Variants in DCC observed in about 807,000 individuals in gnomAD.
DCC encodes DCC netrin 1 receptor.
In DCC, 58 loss-of-function variants were observed where a neutral mutation model predicts 172.5. The ratio of observed to expected loss-of-function variants is 0.34; its 90% CI spans 0.27 to 0.42. The LOEUF (loss-of-function observed/expected upper bound fraction) is 0.42. Ranked by LOEUF, DCC falls within the 10% of genes least tolerant of loss-of-function variation. DCC has a pLI of 1.00. For missense variants in DCC, 1,740 were observed against 1,791.0 expected (o/e 0.97, Z 0.51); for synonymous variants, 709 against 644.5 (o/e 1.10, Z -1.52).
At chr18:52,705,999 G>T (rs2036203755) in intron 1 of DCC, among the ~76,000 whole-genome samples, 1 of 152,112 alleles carries the variant, frequency 6.6e-6, no homozygotes, top group Admixed American at 6.6e-5. Context: ...GGATAGAGAG[G>T]ATGCCCCATT....
intron 8 of DCC, among the ~76,000 whole-genome samples, chr18:53,161,598 A>T (rs2054840593): frequency 6.6e-6 from 1 of 152,122 alleles, no homozygotes. Flanking sequence ...TTGATTTCTC[A>T]ACATCAATAT....
At chr18:53,354,241 A>G (rs1237008505) in intron 15 of DCC, among the ~76,000 whole-genome samples, 1 of 152,188 alleles carries the variant, frequency 6.6e-6, no homozygotes, top group Non-Finnish European at 1.5e-5. Context: ...ATGTGTCTTT[A>G]TAGCAGCATG....
At chr18:52,684,024 C>T (rs2035790265) in intron 1 of DCC, among the ~76,000 whole-genome samples, 1 of 152,116 alleles carries the variant, frequency 6.6e-6, no homozygotes, top group Non-Finnish European at 1.5e-5. Context: ...TATTTTGCTT[C>T]TAACAGGAGT....
intron 5 of DCC, among the ~76,000 whole-genome samples, chr18:52,954,599 G>A (rs1471423610): frequency 6.6e-6 from 1 of 152,100 alleles, no homozygotes; most frequent in Admixed American, 6.5e-5. Flanking sequence ...GTTCTGCAAG[G>A]ATCTTGGAAT....
intron 26 of DCC, among the ~76,000 whole-genome samples, chr18:53,490,914 C>CATTT (rs1357288244): frequency 6.6e-6 from 1 of 152,158 alleles, no homozygotes; most frequent in Non-Finnish European, 1.5e-5. Context: ...TCATTGTATT[C>CATTT]ATTTTGAACA....
chr18:52,973,542 C>T (rs555903642), intron 5 of DCC, among the ~76,000 whole-genome samples: 1 of 152,284 alleles, frequency 6.6e-6, no homozygotes, highest in Non-Finnish European at 1.5e-5. Flanking sequence ...AGAGCTCCAA[C>T]TCTCTGCCTC....
chr18:53,426,719 C>T (rs754555131), intron 21 of DCC, among the ~76,000 whole-genome samples: 5 of 151,994 alleles, frequency 3.3e-5, no homozygotes, highest in Non-Finnish European at 5.9e-5. Context: ...GTCTCACTGA[C>T]TTACAAACTT....
chr18:52,931,575 C>T (rs2040307177), intron 5 of DCC, among the ~76,000 whole-genome samples: 1 of 152,056 alleles, frequency 6.6e-6, no homozygotes. Flanking sequence ...AGTAATTTTA[C>T]AGAGTGAATA....
chr18:53,056,085 T>A (rs2042399915), intron 5 of DCC, among the ~76,000 whole-genome samples: 1 of 152,128 alleles, frequency 6.6e-6, no homozygotes, highest in Admixed American at 6.6e-5. Context: ...CTCACACTGC[T>A]ATAAAGGTAC....
intron 2 of DCC, among the ~76,000 whole-genome samples, chr18:52,896,879 TG>T (rs902331150): frequency 4.2e-5 from 2 of 47,440 alleles, no homozygotes; most frequent in Admixed American, 3.6e-4. Context: ...CTGGATTTAC[TG>T]GGTTGATTCT....
chr18:53,175,357 T>C (rs993796283), intron 8 of DCC, among the ~76,000 whole-genome samples: 13 of 152,114 alleles, frequency 8.5e-5, no homozygotes, highest in African/African-American at 2.9e-4. Context: ...AAATAAAAGG[T>C]ATTCAGTTAG....
chr18:53,244,579 A>G lies in DCC; in HGVS notation c.1911+28982A>G, dbSNP rs116727450. Among the ~76,000 whole-genome samples the G allele has an allele frequency of 7.0e-3, 1,059 of 152,270 alleles. 10 individuals carry two copies. Among genetic ancestry groups the G allele is most frequent in the African/African-American group, 0.024 (991 of 41,580 alleles). ...TTGACTGAAGAATACAAGATGACTT[A>G]CTTGCATTGTTGGCAGCTGATGTTG... On this transcript the variant is annotated intron_variant, in intron 12 of 28. Transcript: ENST00000442544.
At chr18:52,692,684 G>C (rs909483928) in intron 1 of DCC, among the ~76,000 whole-genome samples, 1 of 151,994 alleles carries the variant, frequency 6.6e-6, no homozygotes, top group Non-Finnish European at 1.5e-5. Context: ...CTCCTGCCTT[G>C]GTCTCCCAAA....
chr18:52,405,201 T>C (rs1432690235), intron 1 of DCC, among the ~76,000 whole-genome samples: 2 of 150,362 alleles, frequency 1.3e-5, no homozygotes, highest in African/African-American at 4.9e-5. Flanking sequence ...CTGGGTCAAA[T>C]GGTATTTCTA....
chr18:52,993,816 GA>G (rs35263150), intron 5 of DCC, among the ~76,000 whole-genome samples: 26,115 of 151,182 alleles, frequency 0.17, 2,781 homozygotes, highest in African/African-American at 0.31. Flanking sequence ...AATTTTCTAT[GA>G]TTTTTTTTTT....
chr18:52,656,381 C>T (rs973372823), intron 1 of DCC, among the ~76,000 whole-genome samples: 2 of 152,018 alleles, frequency 1.3e-5, no homozygotes, highest in East Asian at 3.9e-4. Flanking sequence ...AATGGGCCCT[C>T]ACCAGACATT....
At chr18:52,825,117 C>A (rs1051518626) in intron 2 of DCC, among the ~76,000 whole-genome samples, 10 of 152,066 alleles carry the variant, frequency 6.6e-5, no homozygotes, top group Non-Finnish European at 1.0e-4. Flanking sequence ...TCCATTTACC[C>A]CTTAGACAGA....
intron 1 of DCC, among the ~76,000 whole-genome samples, chr18:52,534,788 T>G (rs190869279): frequency 6.6e-5 from 10 of 152,314 alleles, no homozygotes; most frequent in Admixed American, 6.5e-4. Context: ...AAGTGAACTA[T>G]TAGGCATTAT....
At chr18:52,341,065 T>TG (rs989151285) in intron 1 of DCC, among the ~76,000 whole-genome samples, 187 bp downstream of exon 1, 36 of 124,588 alleles carry the variant, frequency 2.9e-4, no homozygotes, top group Admixed American at 7.0e-4. Context: ...CGGATGATGG[T>TG]GGGGGGGTGG....
Sources: gnomAD v4.1 joint callset for allele counts (sites outside exome capture counted in the v4.1 genomes callset) on GRCh38, gnomAD v4.1.1 for gene constraint, MANE v1.5 for transcripts, NCBI Gene and HGNC (gene_info 2026-07-23, HGNC 2026-07-21) for gene names.